Variants in ESYT2 observed in about 807,000 individuals in gnomAD.
ESYT2 encodes the protein extended synaptotagmin-2.
A neutral mutation model predicts 107.2 loss-of-function variants in ESYT2; 54 were observed. That is an observed-to-expected ratio of 0.50 (90% CI 0.40 to 0.63). The LOEUF (loss-of-function observed/expected upper bound fraction) is 0.63. Ranked by LOEUF, ESYT2 falls within the 30% of genes least tolerant of loss-of-function variation. The probability of loss-of-function intolerance (pLI) is 0.00; values close to 1 mark genes in which losing one functional copy is unlikely to be tolerated. For synonymous variants in ESYT2, 491 were observed against 434.1 expected (o/e 1.13, Z -1.63); for missense variants, 1,020 against 1,094.5 (o/e 0.93, Z 0.96).
At chr7:158,792,316 G>A (rs946112217) in intron 4 of ESYT2, among the ~76,000 whole-genome samples, 1 of 151,056 alleles carries the variant, frequency 6.6e-6, no homozygotes, top group African/African-American at 2.4e-5. Context: ...TTGAGCCCAG[G>A]AGTTCGAGAC....
chr7:158,773,271 T>C, intron 7 of ESYT2, 70 bp downstream of exon 7: 1 of 1,549,140 alleles, frequency 6.5e-7, no homozygotes, highest in Non-Finnish European at 8.9e-7. Flanking sequence ...TCTCACACTA[T>C]TGTCAAGACA....
intron 1 of ESYT2, among the ~76,000 whole-genome samples, chr7:158,811,204 T>A (rs1310091658): frequency 6.6e-6 from 1 of 152,022 alleles, no homozygotes; most frequent in Non-Finnish European, 1.5e-5. Context: ...AAGAAATGAA[T>A]ATCTCAATCT....
chr7:158,790,023 TGGG>T (rs1839235610), intron 4 of ESYT2, among the ~76,000 whole-genome samples: 1 of 151,652 alleles, frequency 6.6e-6, no homozygotes, highest in Admixed American at 6.6e-5. Context: ...ATCAGCCCAG[TGGG>T]GAGAGTCCTC....
intron 20 of ESYT2, among the ~76,000 whole-genome samples, chr7:158,736,740 A>T (rs1836969110): frequency 6.6e-6 from 1 of 152,254 alleles, no homozygotes; most frequent in South Asian, 2.1e-4. Flanking sequence ...AATTGATAAC[A>T]TAGTTAAGTG....
chr7:158,783,606 CG>C (rs1454028088), intron 6 of ESYT2, among the ~76,000 whole-genome samples: 2 of 152,224 alleles, frequency 1.3e-5, no homozygotes. Flanking sequence ...ACCCCTCCTT[CG>C]GGGCAGCTCT....
intron 5 of ESYT2, 39 bp downstream of exon 5, chr7:158,788,306 G>C (rs779702298): frequency 6.4e-7 from 1 of 1,557,420 alleles, no homozygotes; most frequent in Non-Finnish European, 8.7e-7. Context: ...GAGAACTTTA[G>C]AAAACTGTCA....
At position 158,734,490 on chromosome 7, in the gene ESYT2, G is replaced by A; in HGVS notation, c.2506-19C>T. The A allele has an allele frequency of 6.2e-7, 1 of 1,611,338 alleles. No homozygotes were observed. Among genetic ancestry groups the A allele is most frequent in the South Asian group, 1.1e-5 (1 of 90,640 alleles). ...CCAATACCTGTGGGTTGTTAAAAAA[G>A]CAGTTAAAGTAGGCTGGGCTGGGGG... On this transcript the variant is annotated intron_variant, in intron 21 of 22. Coordinates refer to ENST00000275418, the MANE Select transcript of ESYT2 (RefSeq NM_001367773.1).
chr7:158,805,467 G>A (rs1839797276), intron 1 of ESYT2, among the ~76,000 whole-genome samples: 1 of 152,166 alleles, frequency 6.6e-6, no homozygotes, highest in Admixed American at 6.5e-5. Context: ...GTCACAGTAT[G>A]GTCAAATTAC....
chr7:158,807,961 CGGGGTAG>C (rs1563034139), intron 1 of ESYT2, among the ~76,000 whole-genome samples: 1 of 152,182 alleles, frequency 6.6e-6, no homozygotes, highest in South Asian at 2.1e-4. Context: ...GATGGCGCCA[CGGGGTAG>C]GGCCGTCCAG....
At chr7:158,794,061 C>T (rs1242463894) in intron 3 of ESYT2, among the ~76,000 whole-genome samples, 2 of 152,222 alleles carry the variant, frequency 1.3e-5, no homozygotes, top group Non-Finnish European at 2.9e-5. Flanking sequence ...TGTAACAATA[C>T]GTATGTGCTC....
intron 18 of ESYT2, among the ~76,000 whole-genome samples, chr7:158,740,483 A>G (rs1195281834): frequency 1.3e-5 from 2 of 152,142 alleles, no homozygotes; most frequent in Non-Finnish European, 2.9e-5. Flanking sequence ...CCGAATTTGC[A>G]TGTCCCGTCT....
intron 5 of ESYT2, 63 bp from the exon 6 acceptor site, chr7:158,788,156 A>T: frequency 7.1e-7 from 1 of 1,401,564 alleles, no homozygotes; most frequent in South Asian, 1.2e-5. Context: ...GCTTAACGCA[A>T]GGAGTTTGCA....
rs1305679575 is a variant in ESYT2, at chr7:158,739,039, C to T, written c.2251G>A (p.Val751Ile). Residue 751 changes from valine to isoleucine, a missense_variant, in exon 19 of 23, where the codon GTC becomes ATC. Transcript: ENST00000275418. ...HSSQRNKLIV[V>I]VHACRNLIAF... The stretch of plus-strand genomic sequence containing the variant: ...AGCCCCCACCTGCAGGCATGCACGA[C>T]CACGATAAGCTTGTTTCTCTGCGAG... The T allele has an allele frequency of 1.2e-6, 2 of 1,613,976 alleles. No individual in the cohort carries two copies. Among genetic ancestry groups the T allele is most frequent in the African/African-American group, 2.7e-5 (2 of 74,942 alleles).
chr7:158,827,107 G>A (rs1840478394), intron 1 of ESYT2, among the ~76,000 whole-genome samples: 3 of 150,158 alleles, frequency 2.0e-5, no homozygotes, highest in Non-Finnish European at 4.4e-5. Flanking sequence ...AGGTTGTAGT[G>A]AGCCGAGATC....
intron 6 of ESYT2, among the ~76,000 whole-genome samples, chr7:158,785,426 AAAATAAATAAATAAATAAATAAAT>A (rs55862703): frequency 6.2e-5 from 9 of 144,030 alleles, no homozygotes; most frequent in African/African-American, 2.1e-4. Context: ...ACTCCGTCTC[AAAATAAATAAATAAATAAATAAAT>A]AAATAAATAA....
chr7:158,736,678 T>A (rs917791329), intron 20 of ESYT2, among the ~76,000 whole-genome samples: 2 of 152,378 alleles, frequency 1.3e-5, no homozygotes, highest in African/African-American at 2.4e-5. Flanking sequence ...TGGGGCTTAC[T>A]GTTATTTAAA....
intron 1 of ESYT2, among the ~76,000 whole-genome samples, chr7:158,818,238 G>A (rs1016500649): frequency 1.3e-5 from 2 of 152,160 alleles, no homozygotes; most frequent in Non-Finnish European, 2.9e-5. Flanking sequence ...GATGACTCCT[G>A]GAAGTGGAGT....
At chr7:158,758,723 CATCA>C (rs1837853826) in intron 13 of ESYT2, among the ~76,000 whole-genome samples, 3 of 152,176 alleles carry the variant, frequency 2.0e-5, no homozygotes, top group African/African-American at 7.2e-5. Context: ...ACTCTAAAAT[CATCA>C]AACAAGATGA....
In ESYT2 at chr7:158,767,648, G is replaced by A. The variant is rs1287947285; in HGVS notation, c.924+6C>T. On this transcript the variant is annotated splice_donor_region_variant and intron_variant, in intron 8 of 22. Transcript: ENST00000275418. ...TAAATGTGAATGGATGCCGGGACAC[G>A]CTTACCTTTGGTACAGGAAACCGCA... is the stretch of plus-strand genomic sequence containing the variant. 33 of 1,608,394 alleles carry A rather than the reference G, an allele frequency of 2.1e-5. No homozygotes were observed. Among genetic ancestry groups the A allele is most frequent in the Non-Finnish European group, 2.7e-5 (32 of 1,177,080 alleles).
Sources: gnomAD v4.1 joint callset for allele counts (sites outside exome capture counted in the v4.1 genomes callset) on GRCh38, gnomAD v4.1.1 for gene constraint, MANE v1.5 for transcripts, NCBI Gene and HGNC (gene_info 2026-07-23, HGNC 2026-07-21) for gene names.